Variants in ACACB observed in about 807,000 individuals in gnomAD.
ACACB encodes acetyl-CoA carboxylase 2.
In ACACB, 209 loss-of-function variants were observed where a neutral mutation model predicts 278.8. The ratio of observed to expected loss-of-function variants is 0.75; its 90% CI spans 0.67 to 0.84. The LOEUF (loss-of-function observed/expected upper bound fraction) is 0.84. ACACB is among the 40% of genes least tolerant of loss of function. ACACB has a pLI of 0.00. For synonymous variants in ACACB, 1,174 were observed against 1,285.6 expected (o/e 0.91, Z 1.86); for missense variants, 2,850 against 3,269.0 (o/e 0.87, Z 3.13).
At chr12:109,206,089 A>C (rs1161411463) in intron 19 of ACACB, among the ~76,000 whole-genome samples, 4 of 152,200 alleles carry the variant, frequency 2.6e-5, no homozygotes, top group Admixed American at 2.6e-4. Flanking sequence ...ATAGAGAATG[A>C]AAATAAATAC....
intron 18 of ACACB, among the ~76,000 whole-genome samples, chr12:109,200,688 A>T (rs2045304629): frequency 6.6e-6 from 1 of 152,176 alleles, no homozygotes; most frequent in Admixed American, 6.6e-5. Context: ...CCATTTTATA[A>T]AAAAGCTGGG....
chr12:109,183,490 C>A (rs1323280536), intron 11 of ACACB, among the ~76,000 whole-genome samples: 1 of 151,940 alleles, frequency 6.6e-6, no homozygotes, highest in Non-Finnish European at 1.5e-5. Flanking sequence ...ATTATAGAGA[C>A]CTTTCACTTC....
intron 11 of ACACB, among the ~76,000 whole-genome samples, chr12:109,180,833 ACT>A (rs1318877873): frequency 6.6e-6 from 1 of 151,768 alleles, no homozygotes; most frequent in African/African-American, 2.4e-5. Context: ...TTCCAATTAT[ACT>A]CTTTTAGTTA....
chr12:109,174,951 C>T (rs1019341258), intron 7 of ACACB, among the ~76,000 whole-genome samples: 1 of 152,032 alleles, frequency 6.6e-6, no homozygotes, highest in Non-Finnish European at 1.5e-5. Flanking sequence ...GTAAAAAATA[C>T]ACTTTACACC....
In ACACB at chr12:109,191,909, G is replaced by A; in HGVS notation, c.2358G>A (p.Met786Ile). The A allele has an allele frequency of 1.2e-6, 2 of 1,614,228 alleles. No individual in the cohort carries two copies. Among genetic ancestry groups the A allele is most frequent in the Non-Finnish European group, 1.7e-6 (2 of 1,180,046 alleles). The change falls in exon 15 of 53, where the codon ATG becomes ATA. Residue 786 changes from methionine (M) to isoleucine (I), a missense_variant. Physicochemically the swap from Met to Ile is conservative, Grantham distance 10. Coordinates refer to ENST00000338432, the MANE Select transcript of ACACB (RefSeq NM_001093.4). ...GGGCCTTGAACGTGGCCGATGCGAT[G>A]TTCAGAACGTGCATGACAGATTTCT... ...VCGALNVADA[M>I]FRTCMTDFLH...
upstream of ACACB, among the ~76,000 whole-genome samples, chr12:109,115,457 C>T (rs529482648): frequency 3.3e-5 from 5 of 152,188 alleles, no homozygotes; most frequent in South Asian, 1.0e-3. Context: ...TCCCTGGAAA[C>T]ATAGGTTTGT....
intron 4 of ACACB, among the ~76,000 whole-genome samples, chr12:109,169,098 T>TCACTC (rs918106244): frequency 7.5e-6 from 1 of 132,954 alleles, no homozygotes; most frequent in African/African-American, 2.8e-5. Flanking sequence ...TAGGCTGAGA[T>TCACTC]CACTCCACTG....
Position 109,200,031 on chromosome 12 carries a change from CAA to C in ACACB, c.2778+496_2778+497del, listed in dbSNP as rs796623006. 9.7e-3 allele frequency among the ~76,000 whole-genome samples: 594 copies of C among 61,442 alleles called. 7 individuals carry two copies. The highest frequency in any genetic ancestry group is 0.029 in the African/African-American group (535 of 18,190). The allele number at this position is 61,442 out of a possible 152,430, so 40.3% of individuals were successfully genotyped here. A position where few individuals can be genotyped will look rare whatever the true frequency, so the allele number is the denominator to read the frequency against. On this transcript the variant is annotated intron_variant, in intron 18 of 52. Coordinates refer to ENST00000338432, the MANE Select transcript of ACACB (RefSeq NM_001093.4). ...TGAGCGACAGAGAAAGACTCCGTCT[CAA>C]AAAAAAAAAAAAAAAACTTCAAAAA...
chr12:109,137,549 A>G (rs929303750), intron 1 of ACACB, among the ~76,000 whole-genome samples: 3 of 152,008 alleles, frequency 2.0e-5, no homozygotes, highest in South Asian at 4.1e-4. Flanking sequence ...AATCCCAGCT[A>G]CTAGGGAGGC....
chr12:109,167,020 T>G, intron 3 of ACACB, 27 bp downstream of exon 3: 3 of 1,613,268 alleles, frequency 1.9e-6, no homozygotes, highest in Non-Finnish European at 2.5e-6. Flanking sequence ...GCACTCTGGG[T>G]GGGGTCCGAT....
intron 17 of ACACB, among the ~76,000 whole-genome samples, chr12:109,197,614 G>A (rs921800481): frequency 6.6e-6 from 1 of 152,184 alleles, no homozygotes; most frequent in Non-Finnish European, 1.5e-5. Flanking sequence ...CAAACAGATA[G>A]TGGCAGGAAA....
Position 109,206,760 on chromosome 12 carries a change from C to T in ACACB, c.2964C>T (p.Leu988=), listed in dbSNP as rs367682706. ...CTGCCCAGCAGACACTGCCCATCCT[C>T]GGAGAGAAACTGCACCAGGTCTTCC... The part of the protein sequence containing the change: ...ELPAQQTLPI[L]GEKLHQVFHS... Residue 988 remains leucine, a synonymous_variant, in exon 20 of 53, where the codon CTC becomes CTT. Transcript: ENST00000338432. The T allele has an allele frequency of 5.0e-6, 8 of 1,614,030 alleles. No individual in the cohort carries two copies. The highest frequency in any genetic ancestry group is 5.9e-6 in the Non-Finnish European group (7 of 1,180,034).
intron 37 of ACACB, among the ~76,000 whole-genome samples, chr12:109,245,048 A>G (rs1037314392): frequency 3.3e-5 from 5 of 151,998 alleles, no homozygotes. Context: ...AAAAATACAA[A>G]ATTAGCCAGG....
intron 43 of ACACB, among the ~76,000 whole-genome samples, 160 bp from the exon 44 acceptor site, chr12:109,254,051 CCTT>C (rs1377689042): frequency 1.3e-5 from 2 of 152,094 alleles, no homozygotes; most frequent in Admixed American, 6.5e-5. Flanking sequence ...GATGGCCAGT[CCTT>C]ATCTGGCATT....
intron 19 of ACACB, 134 bp downstream of exon 19, chr12:109,201,835 C>T (rs1309386599): frequency 1.7e-5 from 21 of 1,240,724 alleles, no homozygotes; most frequent in Non-Finnish European, 2.1e-5. Context: ...CTCGTCGCAG[C>T]AGCCACCGTG....
At position 109,239,898 on chromosome 12, in the gene ACACB, G is replaced by T. The variant is rs1470799574; in HGVS notation, c.4731G>T (p.Glu1577Asp). ...RLLLEAMDEL[E>D]VAFNNTSVRT... ...TCCTGGAGGCCATGGACGAGCTGGA[G>T]GTGGCGTTCAATAACACCAGCGTGC... Residue 1577 changes from glutamate (E) to aspartate (D), a missense_variant, in exon 35 of 53, where the codon GAG becomes GAT. Coordinates refer to ENST00000338432, the MANE Select transcript of ACACB (RefSeq NM_001093.4). 1.9e-5 allele frequency: 31 copies of T among 1,614,060 alleles called. No individual in the cohort carries two copies. The highest frequency in any genetic ancestry group is 2.6e-5 in the Non-Finnish European group (31 of 1,180,038).
At chr12:109,261,880 C>CAAAAAAA (rs757106164) in intron 48 of ACACB, among the ~76,000 whole-genome samples, 1 of 86,088 alleles carries the variant, frequency 1.2e-5, no homozygotes, top group African/African-American at 4.3e-5. Flanking sequence ...AAAAAAAAAA[C>CAAAAAAA]AAAAAAAAAA....
intron 12 of ACACB, 55 bp downstream of exon 12, chr12:109,185,795 G>A: frequency 6.5e-7 from 1 of 1,538,084 alleles, no homozygotes; most frequent in Non-Finnish European, 8.8e-7. Flanking sequence ...AGCATGTGGG[G>A]GACCCTGGAT....
At chr12:109,224,654 C>T (rs945257906) in intron 27 of ACACB, among the ~76,000 whole-genome samples, 3 of 151,984 alleles carry the variant, frequency 2.0e-5, no homozygotes, top group Non-Finnish European at 4.4e-5. Flanking sequence ...TCCTCAGCCT[C>T]CCCAGTAGCT....
Sources: gnomAD v4.1 joint callset for allele counts (sites outside exome capture counted in the v4.1 genomes callset) on GRCh38, gnomAD v4.1.1 for gene constraint, MANE v1.5 for transcripts, NCBI Gene and HGNC (gene_info 2026-07-23, HGNC 2026-07-21) for gene names.